Variants in CSMD3 observed in about 807,000 individuals in gnomAD.
CSMD3 encodes CUB and Sushi multiple domains 3, also known as CUB and sushi domain-containing protein 3.
Under a neutral mutation model 435.2 loss-of-function variants are expected in CSMD3, and 177 were observed. That is an observed-to-expected ratio of 0.41 (90% CI 0.36 to 0.46). CSMD3 has a LOEUF of 0.46. Among genes scored for constraint, CSMD3 ranks in the 20% least tolerant of loss-of-function variants. The pLI, the probability that CSMD3 is intolerant of heterozygous loss-of-function variation, is 0.34. For missense variants in CSMD3, 4,265 were observed against 4,504.6 expected, an observed-to-expected ratio of 0.95 and a Z score of 1.52; for synonymous variants, 1,656 against 1,520.5, an observed-to-expected ratio of 1.09 and a Z score of -2.07.
At position 112,472,574 on chromosome 8, in the gene CSMD3, A is replaced by C. The variant is rs373138522; in HGVS notation, c.5395+17T>G. On this transcript the variant is annotated intron_variant, in intron 32 of 70. Coordinates refer to ENST00000297405, the MANE Select transcript of CSMD3 (RefSeq NM_198123.2). ...TGTCTGGATGAAATACTACATAATG[A>C]GTCGAATCTTACTTACCAAACTCCT... 149 of 1,245,008 alleles carry C rather than the reference A, an allele frequency of 1.2e-4. No homozygotes were observed. Among genetic ancestry groups the C allele is most frequent in the Middle Eastern group, 1.9e-4 (1 of 5,344 alleles). The allele number at this position is 1,245,008 out of a possible 1,614,324, so 77.1% of individuals were successfully genotyped here.
intron 5 of CSMD3, among the ~76,000 whole-genome samples, chr8:113,049,918 T>C (rs1388821327): frequency 6.6e-6 from 1 of 152,134 alleles, no homozygotes; most frequent in South Asian, 2.1e-4. Context: ...AGAATGTGTC[T>C]TATGGTGTGT....
intron 61 of CSMD3, among the ~76,000 whole-genome samples, chr8:112,262,073 TG>T (rs1273429566): frequency 6.6e-6 from 1 of 152,076 alleles, no homozygotes; most frequent in East Asian, 1.9e-4. Context: ...ATTTGAATCT[TG>T]CTTAAGAAAT....
intron 32 of CSMD3, among the ~76,000 whole-genome samples, chr8:112,440,608 C>T (rs1248165892): frequency 6.6e-6 from 1 of 152,204 alleles, no homozygotes; most frequent in East Asian, 1.9e-4. Flanking sequence ...TCCACCCCTG[C>T]AGCAAACTTC....
At chr8:113,181,995 T>C (rs537954833) in intron 3 of CSMD3, among the ~76,000 whole-genome samples, 1 of 152,030 alleles carries the variant, frequency 6.6e-6, no homozygotes, top group African/African-American at 2.4e-5. Context: ...ATTCAACAAA[T>C]ATGAAGACTG....
intron 63 of CSMD3, 62 bp downstream of exon 63, chr8:112,254,191 T>C: frequency 1.8e-6 from 2 of 1,140,268 alleles, no homozygotes; most frequent in Admixed American, 1.7e-5. Flanking sequence ...ATTATATGCA[T>C]ATGAACCAAA....
At chr8:112,235,745 C>T (rs1461704716) in intron 67 of CSMD3, among the ~76,000 whole-genome samples, 5 of 151,948 alleles carry the variant, frequency 3.3e-5, no homozygotes, top group African/African-American at 7.2e-5. Context: ...GACATAGGTG[C>T]TAAGGTAAAT....
intron 2 of CSMD3, among the ~76,000 whole-genome samples, chr8:113,289,554 CAGAGAGAGAGAGAG>C (rs66595138): frequency 1.5e-4 from 21 of 143,304 alleles, no homozygotes; most frequent in African/African-American, 3.1e-4. Flanking sequence ...CAGAGAGAGA[CAGAGAGAGAGAGAG>C]AGAGAGAGAG....
intron 32 of CSMD3, among the ~76,000 whole-genome samples, chr8:112,415,557 G>T (rs975036291): frequency 6.6e-6 from 1 of 152,218 alleles, no homozygotes; most frequent in South Asian, 2.1e-4. Flanking sequence ...GCACTGCCTA[G>T]TGGAGCTATG....
intron 11 of CSMD3, among the ~76,000 whole-genome samples, chr8:112,840,280 G>T (rs2132527301): frequency 6.6e-6 from 1 of 151,870 alleles, no homozygotes; most frequent in South Asian, 2.1e-4. Context: ...GATTGCTACG[G>T]GTAATGTGGA....
intron 38 of CSMD3, among the ~76,000 whole-genome samples, chr8:112,371,813 G>A (rs1279542152): frequency 5.3e-5 from 8 of 151,864 alleles, no homozygotes; most frequent in South Asian, 4.1e-4. Context: ...ACTTGAACCC[G>A]GGAGGTGGTG....
At chr8:113,389,121 A>G (rs756282925) in intron 1 of CSMD3, among the ~76,000 whole-genome samples, 4 of 151,816 alleles carry the variant, frequency 2.6e-5, no homozygotes, top group Admixed American at 6.6e-5. Context: ...GTGACTCAGT[A>G]TGATGAAAAT....
At chr8:112,416,205 GT>G (rs1811892243) in intron 32 of CSMD3, among the ~76,000 whole-genome samples, 1 of 152,154 alleles carries the variant, frequency 6.6e-6, no homozygotes. Context: ...CATGAGGGTG[GT>G]TTCCCCATAG....
At position 112,977,076 on chromosome 8, in the gene CSMD3, T is replaced by C. The variant is rs76972144; in HGVS notation, c.1031-928A>G. On this transcript the variant is annotated intron_variant, in intron 6 of 70. Coordinates refer to ENST00000297405, the MANE Select transcript of CSMD3 (RefSeq NM_198123.2). ...AATTAGAGTTTGCTTTTTCATTTTA[T>C]TTAATGTTTTTTAAAGGAGGTTGTT... 6.6e-3 allele frequency among the ~76,000 whole-genome samples: 1,008 copies of C among 152,178 alleles called. 11 individuals carry two copies. Among genetic ancestry groups the C allele is most frequent in the African/African-American group, 0.023 (966 of 41,560 alleles).
intron 10 of CSMD3, among the ~76,000 whole-genome samples, chr8:112,920,334 A>AC (rs1362740563): frequency 6.6e-6 from 1 of 151,926 alleles, no homozygotes; most frequent in Non-Finnish European, 1.5e-5. Flanking sequence ...AGAAAAGAAA[A>AC]AGGTAAGCAA....
chr8:112,423,831 C>T (rs1812771410), intron 32 of CSMD3, among the ~76,000 whole-genome samples: 2 of 152,182 alleles, frequency 1.3e-5, no homozygotes, highest in African/African-American at 2.4e-5. Flanking sequence ...GTTTGAGCCT[C>T]TACCTCTTGT....
intron 5 of CSMD3, among the ~76,000 whole-genome samples, chr8:113,029,093 A>G (rs2086983717): frequency 6.6e-6 from 1 of 151,548 alleles, no homozygotes; most frequent in Non-Finnish European, 1.5e-5. Flanking sequence ...ATGCTCATTT[A>G]TTATTCAAAA....
chr8:112,331,682 T>C (rs1271034149), intron 45 of CSMD3, among the ~76,000 whole-genome samples: 1 of 151,888 alleles, frequency 6.6e-6, no homozygotes, highest in Non-Finnish European at 1.5e-5. Flanking sequence ...ATAAAATAAA[T>C]ATACAAGTCT....
chr8:113,193,888 G>A (rs1026268751), intron 3 of CSMD3, among the ~76,000 whole-genome samples: 3 of 151,340 alleles, frequency 2.0e-5, no homozygotes, highest in Non-Finnish European at 3.0e-5. Context: ...TATTTTAGAA[G>A]ATTTGGAGTT....
intron 59 of CSMD3, among the ~76,000 whole-genome samples, chr8:112,270,873 A>G (rs976036857): frequency 6.6e-5 from 10 of 152,178 alleles, no homozygotes; most frequent in Admixed American, 4.6e-4. Flanking sequence ...ATTAAAAAGT[A>G]AAAAGAAATC....
Sources: allele counts gnomAD v4.1 joint callset (sites outside exome capture counted in the v4.1 genomes callset), GRCh38; gene constraint gnomAD v4.1.1; transcripts MANE v1.5; gene names NCBI Gene and HGNC (gene_info 2026-07-23, HGNC 2026-07-21).